The following LPIN1 variants were observed in gnomAD, a reference collection of about 807,000 sequenced individuals.
LPIN1 encodes lipin 1.
Under a neutral mutation model 107.5 loss-of-function variants are expected in LPIN1, and 71 were observed. The ratio of observed to expected loss-of-function variants is 0.66; its 90% CI spans 0.55 to 0.80. The LOEUF (loss-of-function observed/expected upper bound fraction) is 0.80. Among genes scored for constraint, LPIN1 ranks in the 30% least tolerant of loss-of-function variants. The pLI is 0.00. For synonymous variants in LPIN1, 445 were observed against 452.6 expected, an observed-to-expected ratio of 0.98 and a Z score of 0.21; for missense variants, 1,043 against 1,160.6, an observed-to-expected ratio of 0.90 and a Z score of 1.47.
chr2:11,816,418 G>T (rs1446892183), intron 18 of LPIN1: 3 of 152,170 alleles, frequency 2.0e-5, no homozygotes, highest in East Asian at 3.8e-4. Flanking sequence ...AAGTAGTAAG[G>T]CTTTGCTAGG....
At chr2:11,815,692 C>G (rs1398722635) in intron 18 of LPIN1, among the ~76,000 whole-genome samples, 1 of 152,112 alleles carries the variant, frequency 6.6e-6, no homozygotes, top group African/African-American at 2.4e-5. Flanking sequence ...AGTGGCCTGT[C>G]TGCGAACCAC....
At position 11,826,008 on chromosome 2, in the gene LPIN1, G is replaced by C. The variant is rs1682318345; in HGVS notation, c.*1217G>C. Reference sequence around the variant, plus strand: ...AGGGCAAGCGAAAAAGTAATAATTTGGCATTCTTTAAGCCTACAGAATGTG... The same window carrying C: ...AGGGCAAGCGAAAAAGTAATAATTTCGCATTCTTTAAGCCTACAGAATGTG... On this transcript the variant is annotated 3_prime_UTR_variant, in exon 21 of 21. Coordinates refer to ENST00000674199, the MANE Select transcript of LPIN1 (RefSeq NM_001349206.2). 1 of 152,360 alleles carries C rather than the reference G, an allele frequency of 6.6e-6. No homozygotes were observed. The highest frequency in any genetic ancestry group is 2.1e-4 in the South Asian group (1 of 4,820). 9.4% of individuals were successfully genotyped at this position (152,360 alleles called of 1,614,324 possible).
intron 1 of LPIN1, among the ~76,000 whole-genome samples, chr2:11,730,903 C>T (rs1289596686): frequency 2.0e-5 from 3 of 152,158 alleles, no homozygotes; most frequent in Non-Finnish European, 2.9e-5. Flanking sequence ...TCCTGTTCTG[C>T]TGCTCTTGTT....
At position 11,776,189 on chromosome 2, in the gene LPIN1, G is replaced by GA. The variant is rs1481783222; in HGVS notation, c.829dup (p.Ser277LysfsTer11). On this transcript the variant is annotated frameshift_variant, in exon 6 of 21. Transcript: ENST00000674199. LOFTEE classifies it high-confidence loss of function. ...ACAGTCTTCCCTGTTCCATCCTTCG[G>GA]AAAGGTAGAGGAGTTATTTTCCCCA... is the stretch of plus-strand genomic sequence containing the variant. The GA allele has an allele frequency of 6.5e-7, 1 of 1,531,088 alleles. No homozygotes were observed. The highest frequency in any genetic ancestry group is 8.8e-7 in the Non-Finnish European group (1 of 1,132,222). The allele number at this position is 1,531,088 out of a possible 1,614,324, so 94.8% of individuals were successfully genotyped here.
intron 1 of LPIN1, among the ~76,000 whole-genome samples, chr2:11,747,605 A>G (rs1421327351): frequency 1.3e-5 from 2 of 152,110 alleles, no homozygotes; most frequent in African/African-American, 4.8e-5. Context: ...GTGTTGTGGT[A>G]TGGTGGTCTA....
intron 12 of LPIN1, among the ~76,000 whole-genome samples, chr2:11,790,798 C>G (rs561374341): frequency 6.6e-6 from 1 of 152,284 alleles, no homozygotes; most frequent in East Asian, 1.9e-4. Context: ...ACACTGCATT[C>G]TTTTAGTTAC....
intron 17 of LPIN1, among the ~76,000 whole-genome samples, chr2:11,806,438 G>A (rs1180329709): frequency 2.0e-5 from 3 of 152,116 alleles, no homozygotes; most frequent in South Asian, 2.1e-4. Flanking sequence ...ATCCTGGTGG[G>A]ATTAAAAGCT....
intron 10 of LPIN1, among the ~76,000 whole-genome samples, chr2:11,785,765 T>A (rs11694797): frequency 1.3e-5 from 2 of 152,030 alleles, no homozygotes; most frequent in Non-Finnish European, 2.9e-5. Context: ...CCATCTCCCC[T>A]TCCAACCAGG....
chr2:11,778,044 G>T (rs1672953136), intron 6 of LPIN1, among the ~76,000 whole-genome samples: 1 of 152,198 alleles, frequency 6.6e-6, no homozygotes. Context: ...AGACGCTTCA[G>T]TGCCACCAAA....
chr2:11,811,942 G>A (rs1289540776), intron 17 of LPIN1, among the ~76,000 whole-genome samples: 5 of 152,054 alleles, frequency 3.3e-5, no homozygotes, highest in Non-Finnish European at 7.4e-5. Flanking sequence ...CTGAGATCGT[G>A]CCACTGCACT....
chr2:11,682,167 G>A (rs1297622124), intron 1 of LPIN1: 3 of 152,386 alleles, frequency 2.0e-5, no homozygotes, highest in Non-Finnish European at 4.4e-5. Flanking sequence ...TCAGCGTCCT[G>A]GGCTTGCCCC....
chr2:11,724,214 CT>C, upstream of LPIN1: 1 of 482,210 alleles, frequency 2.1e-6, no homozygotes. Context: ...TGAAACCTGG[CT>C]CACTCCTCTT....
chr2:11,776,123 G>A lies in LPIN1; in HGVS notation c.760G>A (p.Ala254Thr). ...VDCKRTAPHLAVAAEGGLSSS... is the reference protein window; with the variant it reads ...VDCKRTAPHLTVAAEGGLSSS... ...TTGCAAAAGGACTGCCCCTCATCTT[G>A]CAGTTGCGGCCGAGGGAGGTCTGTC... Residue 254 changes from alanine to threonine, a missense_variant, in exon 6 of 21, where the codon GCA (alanine) becomes ACA (threonine). By Grantham distance (58) the Ala-to-Thr change is moderately conservative (BLOSUM62 0). Coordinates refer to ENST00000674199, the MANE Select transcript of LPIN1 (RefSeq NM_001349206.2). The A allele has an allele frequency of 6.5e-7, 1 of 1,548,570 alleles. No individual in the cohort carries two copies.
At chr2:11,703,123 AGTGAT>A (rs1261992430) in intron 1 of LPIN1, among the ~76,000 whole-genome samples, 1 of 152,184 alleles carries the variant, frequency 6.6e-6, no homozygotes, top group Non-Finnish European at 1.5e-5. Context: ...CTGACAATGT[AGTGAT>A]GTAATAAAGG....
chr2:11,709,662 C>T (rs565531299), intron 1 of LPIN1, among the ~76,000 whole-genome samples: 36 of 152,266 alleles, frequency 2.4e-4, no homozygotes, highest in African/African-American at 7.0e-4. Context: ...TTGGTAGTAC[C>T]GTTTCTATAT....
At chr2:11,776,330 G>T in intron 6 of LPIN1, 137 bp downstream of exon 6, 1 of 482,868 alleles carries the variant, frequency 2.1e-6, no homozygotes, top group East Asian at 3.3e-5. Context: ...TGAAAATTTT[G>T]ATTTAACTTT....
At chr2:11,783,790 GA>G in intron 8 of LPIN1, 38 bp from the exon 9 acceptor site, 1 of 1,530,194 alleles carries the variant, frequency 6.5e-7, no homozygotes, top group Non-Finnish European at 9.1e-7. Flanking sequence ...CTCATTTCTA[GA>G]AGAGTGGTTT....
At chr2:11,795,285 C>G (rs1013510918) in intron 13 of LPIN1, 123 bp from the exon 14 acceptor site, 4 of 792,516 alleles carry the variant, frequency 5.0e-6, no homozygotes, top group Non-Finnish European at 8.8e-6. Flanking sequence ...CTAGGGTGGG[C>G]GTCATTGGGG....
upstream of LPIN1, among the ~76,000 whole-genome samples, chr2:11,720,983 T>C (rs1032640536): frequency 7.9e-5 from 12 of 152,198 alleles, no homozygotes; most frequent in East Asian, 2.3e-3. Context: ...TGCCTCCCTC[T>C]CTTCCATTTG....
Sources: allele counts gnomAD v4.1 joint callset (sites outside exome capture counted in the v4.1 genomes callset), GRCh38; gene constraint gnomAD v4.1.1; transcripts MANE v1.5; gene names NCBI Gene and HGNC (gene_info 2026-07-23, HGNC 2026-07-21).